SHH: variants seen among roughly 807,000 people sequenced by gnomAD.
SHH encodes the protein sonic hedgehog protein.
In SHH, 3 loss-of-function variants were observed where a neutral mutation model predicts 16.6. The observed-to-expected ratio is 0.18, with a 90% CI of 0.08 to 0.47. The LOEUF (loss-of-function observed/expected upper bound fraction) is 0.47, where lower values mean the gene tolerates loss of function less well. Among genes scored for constraint, SHH ranks in the 20% least tolerant of loss-of-function variants. SHH has a pLI of 0.98. For missense variants in SHH, 499 were observed against 665.0 expected, an observed-to-expected ratio of 0.75 and a Z score of 2.75; for synonymous variants, 351 against 316.2, an observed-to-expected ratio of 1.11 and a Z score of -1.17.
chr7:155,807,706 C>A lies in SHH; in HGVS notation c.301-1149G>T, dbSNP rs766592044. Reference sequence around the variant, plus strand: ...ACTTGCTTCCTGGATGTTTACCCTGCTGCTGCTGGTGGGACATGGGATTTA... The same window carrying A: ...ACTTGCTTCCTGGATGTTTACCCTGATGCTGCTGGTGGGACATGGGATTTA... On this transcript the variant is annotated intron_variant, in intron 1 of 2. Transcript: ENST00000297261. This position sits in a 1 kb window ranked among gnomAD's most constrained non-coding sequence, Gnocchi z 7.1. Among the ~76,000 whole-genome samples, 66 of 152,294 alleles carry A rather than the reference C, an allele frequency of 4.3e-4. No homozygotes were observed. The highest frequency in any genetic ancestry group is 5.9e-4 in the Admixed American group (9 of 15,308).
intron 1 of SHH, among the ~76,000 whole-genome samples, chr7:155,810,438 A>T (rs1263663207): frequency 6.6e-6 from 1 of 152,208 alleles, no homozygotes; most frequent in Non-Finnish European, 1.5e-5. Context: ...CTAGCCGGAG[A>T]ACTCCCTCCA....
At chr7:155,811,764 C>T (rs1803527681) in intron 1 of SHH, 59 bp downstream of exon 1, 2 of 1,527,698 alleles carry the variant, frequency 1.3e-6, no homozygotes, top group South Asian at 1.1e-5. Context: ...TGGAAGTGTT[C>T]GGCTTCTCGT....
At chr7:155,810,799 A>G (rs935741713) in intron 1 of SHH, among the ~76,000 whole-genome samples, 4 of 152,214 alleles carry the variant, frequency 2.6e-5, no homozygotes, top group Admixed American at 2.0e-4. Context: ...ACCTAGCCCT[A>G]AAGGTAGGAC....
chr7:155,802,974 G>C lies in SHH; in HGVS notation c.1315C>G (p.Leu439Val), dbSNP rs1803230454. 6.4e-7 allele frequency: 1 copy of C among 1,560,932 alleles called. No individual in the cohort carries two copies. The highest frequency in any genetic ancestry group is 8.7e-7 in the Non-Finnish European group (1 of 1,154,252). Residue 439 changes from leucine to valine, a missense_variant, in exon 3 of 3, where the codon CTC becomes GTC. Physicochemically the swap from Leu to Val is conservative, Grantham distance 32. Transcript: ENST00000297261. Reference protein sequence around the residue: ...TAGIHWYSQLLYQIGTWLLDS... With the variant: ...TAGIHWYSQLVYQIGTWLLDS... ...AGGAGCCAGGTGCCTATTTGGTAGA[G>C]CAGCTGCGAGTACCAGTGGATGCCC... is the stretch of plus-strand genomic sequence containing the variant.
At position 155,812,245 on chromosome 7, in the gene SHH, C is replaced by T. The variant is rs1803539700; in HGVS notation, c.-123G>A. 2 of 928,950 alleles carry T rather than the reference C, an allele frequency of 2.2e-6. No individual in the cohort carries two copies. Among genetic ancestry groups the T allele is most frequent in the Non-Finnish European group, 1.7e-6 (1 of 577,808 alleles). 57.5% of individuals were successfully genotyped at this position (928,950 alleles called of 1,614,324 possible). On this transcript the variant is annotated 5_prime_UTR_variant, in exon 1 of 3. Transcript: ENST00000297261. The stretch of plus-strand genomic sequence containing the variant: ...TCCCTTCCTCGCTCCGGCTCGCCCG[C>T]TCGCTCTCTCCCTCGCTGGCTGCCT...
intron 1 of SHH, among the ~76,000 whole-genome samples, chr7:155,808,329 C>A (rs1382111343): frequency 1.3e-5 from 2 of 152,222 alleles, no homozygotes; most frequent in African/African-American, 4.8e-5. Flanking sequence ...CCCATGCAAG[C>A]CCCCCACCCC....
chr7:155,808,657 GC>G lies in SHH; in HGVS notation c.301-2101del, dbSNP rs1803430484. ...TCCGCCCGCGCTGGGCGGGATTGTC[GC>G]AGGCAAAGCCGGGAAGCCCAGGCCG... On this transcript the variant is annotated intron_variant, in intron 1 of 2. Coordinates refer to ENST00000297261, the MANE Select transcript of SHH (RefSeq NM_000193.4). 3.9e-5 allele frequency among the ~76,000 whole-genome samples: 6 copies of G among 152,290 alleles called. No individual in the cohort carries two copies. In the South Asian group the frequency reaches 1.2e-3, roughly 32 times the overall value.
In SHH at chr7:155,803,140, C is replaced by T; in HGVS notation, c.1149G>A (p.Ala383=). ...AHRAFAPFRL[A]HALLAALAPA... Reference sequence around the variant, plus strand: ...GCGCCAGTGCAGCCAGGAGCGCGTGCGCCAGGCGGAAGGGCGCGAAGGCCC... The same window carrying T: ...GCGCCAGTGCAGCCAGGAGCGCGTGTGCCAGGCGGAAGGGCGCGAAGGCCC... The change falls in exon 3 of 3, where the codon GCG becomes GCA. Residue 383 remains alanine, a synonymous_variant. Transcript: ENST00000297261. 2 of 1,414,462 alleles carry T rather than the reference C, an allele frequency of 1.4e-6. No individual in the cohort carries two copies. Among genetic ancestry groups the T allele is most frequent in the Non-Finnish European group, 1.9e-6 (2 of 1,080,206 alleles). The allele number at this position is 1,414,462 out of a possible 1,614,324, so 87.6% of individuals were successfully genotyped here. A position where few individuals can be genotyped will look rare whatever the true frequency, so the allele number is the denominator to read the frequency against.
In SHH at chr7:155,811,893, G is replaced by A. The variant is rs1190580891; in HGVS notation, c.230C>T (p.Thr77Ile). Residue 77 changes from threonine to isoleucine, a missense_variant, in exon 1 of 3, where the codon ACC becomes ATC. By Grantham distance (89) the Thr-to-Ile change is moderately conservative. Transcript: ENST00000297261. ...TATGATGTCGGGGTTGTAATTGGGG[G>A]TGAGTTCCTTAAATCGCTCGGAGTT... is the stretch of plus-strand genomic sequence containing the variant. Reference protein sequence around the residue: ...SRNSERFKELTPNYNPDIIFK... With the variant: ...SRNSERFKELIPNYNPDIIFK... 1 of 1,614,150 alleles carries A rather than the reference G, an allele frequency of 6.2e-7. No homozygotes were observed. Among genetic ancestry groups the A allele is most frequent in the African/African-American group, 1.3e-5 (1 of 75,022 alleles).
Position 155,810,369 on chromosome 7 carries a change from C to T in SHH, c.300+1454G>A, listed in dbSNP as rs183985358. Among the ~76,000 whole-genome samples, 226 of 152,384 alleles carry T rather than the reference C, an allele frequency of 1.5e-3. 1 individual carries two copies. The highest frequency in any genetic ancestry group is 5.3e-3 in the African/African-American group (221 of 41,600). ...CTCCCTCCTCTCGGGTTCCGAGGGA[C>T]CCTGGCAAGGCCCCTCCTCCGCGGG... On this transcript the variant is annotated intron_variant, in intron 1 of 2. Transcript: ENST00000297261.
In SHH at chr7:155,808,541, G is replaced by T. The variant is rs376438931; in HGVS notation, c.301-1984C>A. Among the ~76,000 whole-genome samples, 8 of 152,218 alleles carry T rather than the reference G, an allele frequency of 5.3e-5. No homozygotes were observed. In the East Asian group the frequency reaches 1.5e-3, roughly 29 times the overall value. On this transcript the variant is annotated intron_variant, in intron 1 of 2. Coordinates refer to ENST00000297261, the MANE Select transcript of SHH (RefSeq NM_000193.4). ...CGGGAGGTGGCTGCGCGAGTGAGGG[G>T]CGGAGGCCGAGGGTTGCTGGAGTTG...
At position 155,806,347 on chromosome 7, in the gene SHH, C is replaced by A; in HGVS notation, c.511G>T (p.Asp171Tyr). The A allele has an allele frequency of 6.2e-7, 1 of 1,613,436 alleles. No homozygotes were observed. Among genetic ancestry groups the A allele is most frequent in the Non-Finnish European group, 8.5e-7 (1 of 1,180,028 alleles). The change falls in exon 2 of 3, where the codon GAC becomes TAC. Residue 171 changes from aspartate (D) to tyrosine (Y), a missense_variant. Around this residue, in one of 4 missense-constraint regions of SHH, gnomAD observed 114 missense variants for 200.4 expected, o/e 0.57. Transcript: ENST00000297261. The stretch of plus-strand genomic sequence containing the variant: ...GCCTTGGACTCGTAGTACACCCAGT[C>A]GAAGCCGGCCTCCACCGCCAGGCGG... ...LARLAVEAGF[D>Y]WVYYESKAHI... is the part of the protein sequence containing the mutation.
In SHH at chr7:155,800,333, G is replaced by A. The variant is rs576268465; in HGVS notation, c.*2567C>T. 5 of 422,726 alleles carry A rather than the reference G, an allele frequency of 1.2e-5. No individual in the cohort carries two copies. The highest frequency in any genetic ancestry group is 7.1e-5 in the East Asian group (1 of 14,092). The allele number at this position is 422,726 out of a possible 1,614,324, so 26.2% of individuals were successfully genotyped here. On this transcript the variant is annotated 3_prime_UTR_variant, in exon 3 of 3. Transcript: ENST00000297261. ...GGCTGGGGACAGCACCCAGCAGCAC[G>A]GACACTCTGCCACCGGGCCTGTCCA...
At chr7:155,805,679 G>C (rs1803339287) in intron 2 of SHH, among the ~76,000 whole-genome samples, 2 of 152,242 alleles carry the variant, frequency 1.3e-5, no homozygotes, top group South Asian at 2.1e-4. Flanking sequence ...CCGGCGTTTC[G>C]GGGCCTGCCC....
chr7:155,806,814 G>C, intron 1 of SHH: 1 of 606,464 alleles, frequency 1.6e-6, no homozygotes, highest in South Asian at 1.9e-5. Flanking sequence ...TCCAGGTCCT[G>C]AAACAGCCGA....
rs1422908199 is a variant in SHH at position 155,803,323 on chromosome 7, G to A, written c.966C>T (p.Asp322=). The change falls in exon 3 of 3, where the codon GAC becomes GAT. Residue 322 remains aspartate (D), a synonymous_variant. Transcript: ENST00000297261. The stretch of plus-strand genomic sequence containing the variant: ...CGGCGGGCAGGAGCCGGCGGTCCCC[G>A]TCACGCTCGGCCACCACGTACACGC... ...GQRVYVVAER[D]GDRRLLPAAV... 5 of 1,475,212 alleles carry A rather than the reference G, an allele frequency of 3.4e-6. No individual in the cohort carries two copies. Among genetic ancestry groups the A allele is most frequent in the Non-Finnish European group, 4.5e-6 (5 of 1,120,924 alleles). 91.4% of individuals were successfully genotyped at this position (1,475,212 alleles called of 1,614,324 possible).
rs1390435009 is a variant in SHH at position 155,803,170 on chromosome 7, C to A, written c.1119G>T (p.Ala373=). The change falls in exon 3 of 3, where the codon GCG becomes GCT. Residue 373 remains alanine (A), a synonymous_variant. Transcript: ENST00000297261. ...GGCGGAAGGGCGCGAAGGCCCGGTGCGCCCAGCTGTGCTCCTCGATGACCG... is the reference window on the plus strand; with the variant it reads ...GGCGGAAGGGCGCGAAGGCCCGGTGAGCCCAGCTGTGCTCCTCGATGACCG... The part of the protein sequence containing the change: ...CYAVIEEHSW[A]HRAFAPFRLA... 2 of 1,451,484 alleles carry A rather than the reference C, an allele frequency of 1.4e-6. No homozygotes were observed. The highest frequency in any genetic ancestry group is 2.5e-5 in the Admixed American group (1 of 40,532). The allele number at this position is 1,451,484 out of a possible 1,614,324, so 89.9% of individuals were successfully genotyped here.
intron 1 of SHH, chr7:155,808,883 C>CGCGGGG (rs1803437168): frequency 6.6e-6 from 1 of 152,250 alleles, no homozygotes; most frequent in Non-Finnish European, 1.5e-5. Flanking sequence ...CTTCCCCCAG[C>CGCGGGG]GCGGGGGCGG....
rs1803540292 is a variant in SHH, at chr7:155,812,257, C to T, written c.-135G>A. On this transcript the variant is annotated 5_prime_UTR_variant, in exon 1 of 3. Coordinates refer to ENST00000297261, the MANE Select transcript of SHH (RefSeq NM_000193.4). The stretch of plus-strand genomic sequence containing the variant: ...TCCGGCTCGCCCGCTCGCTCTCTCC[C>T]TCGCTGGCTGCCTCGCTCTTTCTCT... 4.8e-6 allele frequency: 4 copies of T among 838,332 alleles called. No homozygotes were observed. In the African/African-American group the frequency reaches 5.0e-5, roughly 11 times the overall value. The allele number at this position is 838,332 out of a possible 1,614,324, so 51.9% of individuals were successfully genotyped here. A position where few individuals can be genotyped will look rare whatever the true frequency, so the allele number is the denominator to read the frequency against.
Sources: allele counts gnomAD v4.1 joint callset (sites outside exome capture counted in the v4.1 genomes callset), GRCh38; gene constraint gnomAD v4.1.1; regional missense constraint gnomAD v4.1.1; non-coding constraint Gnocchi (gnomAD v3.1); transcripts MANE v1.5; gene names NCBI Gene and HGNC (gene_info 2026-07-23, HGNC 2026-07-21).